Variants in ANKRD26 observed in about 807,000 individuals in gnomAD.
ANKRD26 encodes ankyrin repeat domain 26.
In ANKRD26, 141 loss-of-function variants were observed where a neutral mutation model predicts 208.7. The observed-to-expected ratio is 0.68, with a 90% CI of 0.59 to 0.78. The LOEUF is 0.78. Among genes scored for constraint, ANKRD26 ranks in the 30% least tolerant of loss-of-function variants. The probability of loss-of-function intolerance (pLI) is 0.00; values close to 1 mark genes in which losing one functional copy is unlikely to be tolerated. For synonymous variants in ANKRD26, 636 were observed against 660.4 expected, an observed-to-expected ratio of 0.96 and a Z score of 0.57; for missense variants, 1,889 against 1,938.7, an observed-to-expected ratio of 0.97 and a Z score of 0.48.
At chr10:27,086,774 T>G (rs952340504) in intron 4 of ANKRD26, among the ~76,000 whole-genome samples, 165 bp from the exon 5 acceptor site, 3 of 140,642 alleles carry the variant, frequency 2.1e-5, no homozygotes, top group African/African-American at 5.3e-5. Context: ...TTTTGTTTTT[T>G]TTTTTTTTTT....
intron 3 of ANKRD26, among the ~76,000 whole-genome samples, chr10:26,985,724 A>G (rs1376984679): frequency 6.6e-6 from 1 of 152,176 alleles, no homozygotes; most frequent in African/African-American, 2.4e-5. Context: ...GGGTCACCCC[A>G]AGAAGGTTAA....
At chr10:26,948,926 C>T in the ANKRD26 span, among the ~76,000 whole-genome samples, 3 of 152,120 alleles carry the variant, frequency 2.0e-5, no homozygotes, top group South Asian at 2.1e-4. Context: ...ACCCGGGAGG[C>T]GGAGGTTGCA....
At position 27,035,754 on chromosome 10, in the gene ANKRD26, T is replaced by G; in HGVS notation, c.2698-2A>C. On this transcript the variant is annotated splice_acceptor_variant, in intron 23 of 33. Coordinates refer to ENST00000376087, the MANE Select transcript of ANKRD26 (RefSeq NM_014915.3). LOFTEE classifies it high-confidence loss of function. The stretch of plus-strand genomic sequence containing the variant: ...TTCTTCTTCATGACTATGAGAATTC[T>G]AAGTAAAACAAAGGAAACTTTGAGC... 1 of 1,597,154 alleles carries G rather than the reference T, an allele frequency of 6.3e-7. No individual in the cohort carries two copies. Among genetic ancestry groups the G allele is most frequent in the Non-Finnish European group, 8.6e-7 (1 of 1,168,004 alleles).
chr10:27,058,751 T>A (rs1348219965), intron 15 of ANKRD26, among the ~76,000 whole-genome samples: 5 of 151,178 alleles, frequency 3.3e-5, no homozygotes, highest in African/African-American at 4.9e-5. Flanking sequence ...AATTTTTGTA[T>A]TTTTTTAGTA....
chr10:26,999,996 G>A (rs10741125), downstream of ANKRD26, among the ~76,000 whole-genome samples: 122,810 of 152,064 alleles, frequency 0.81, 49,965 homozygotes, highest in East Asian at 0.99. Context: ...CAAACTCCCA[G>A]CTCAGCTCCT....
At chr10:27,050,219 CAAAAAAAAAAAAA>C (rs67384671) in intron 16 of ANKRD26, among the ~76,000 whole-genome samples, 3 of 33,042 alleles carry the variant, frequency 9.1e-5, no homozygotes, top group Non-Finnish European at 1.2e-4. Flanking sequence ...GAATCTGTCT[CAAAAAAAAAAAAA>C]AAAAAAAAAA....
the ANKRD26 span, among the ~76,000 whole-genome samples, chr10:26,967,961 C>T: frequency 6.6e-6 from 1 of 152,216 alleles, no homozygotes; most frequent in African/African-American, 2.4e-5. Flanking sequence ...TGCCCCCTCC[C>T]TGCAACCCCT....
At position 27,033,389 on chromosome 10, in the gene ANKRD26, T is replaced by C; in HGVS notation, c.3655-12A>G. On this transcript the variant is annotated splice_polypyrimidine_tract_variant and intron_variant, in intron 24 of 33. Coordinates refer to ENST00000376087, the MANE Select transcript of ANKRD26 (RefSeq NM_014915.3). ...TGTCTCACAACAACCTGATAAGACA[T>C]TTTGTTACTGATTTTATAAATCACC... 6.2e-7 allele frequency: 1 copy of C among 1,606,546 alleles called. No individual in the cohort carries two copies. Among genetic ancestry groups the C allele is most frequent in the South Asian group, 1.1e-5 (1 of 89,200 alleles).
chr10:26,995,098 C>T (rs932772300), exon 5 of ANKRD26: 2 of 471,138 alleles, frequency 4.2e-6, no homozygotes, highest in Admixed American at 2.3e-5. Flanking sequence ...GGAAGTGAGA[C>T]ATTGGTCAGT....
intron 28 of ANKRD26, among the ~76,000 whole-genome samples, chr10:27,023,718 T>A (rs1271456559): frequency 6.7e-6 from 1 of 149,734 alleles, no homozygotes; most frequent in East Asian, 2.1e-4. Context: ...GTAATTAGAA[T>A]CAGAACAAAC....
At chr10:27,091,467 T>C (rs2056297726) in intron 4 of ANKRD26, among the ~76,000 whole-genome samples, 1 of 151,880 alleles carries the variant, frequency 6.6e-6, no homozygotes, top group African/African-American at 2.4e-5. Context: ...CAAAATATAC[T>C]AGAAATAGAA....
chr10:27,017,926 A>C, intron 29 of ANKRD26, 134 bp from the exon 30 acceptor site: 1 of 843,752 alleles, frequency 1.2e-6, no homozygotes, highest in Non-Finnish European at 1.8e-6. Flanking sequence ...GATTCTTCAA[A>C]TGTGGACCCT....
chr10:26,975,600 G>A (rs563443374), exon 6 of ANKRD26, among the ~76,000 whole-genome samples: 4 of 151,808 alleles, frequency 2.6e-5, no homozygotes, highest in Non-Finnish European at 5.9e-5. Context: ...CCAACACTTC[G>A]GGAGGCCAAG....
At chr10:27,045,242 G>A (rs868595853) in intron 18 of ANKRD26, among the ~76,000 whole-genome samples, 5 of 152,078 alleles carry the variant, frequency 3.3e-5, no homozygotes, top group Middle Eastern at 3.2e-3. Context: ...TGGCCAACAT[G>A]GCGCAACCCT....
rs751123077 is a variant in ANKRD26 at position 27,043,576 on chromosome 10, T to C, written c.2020-9A>G. 1.9e-6 allele frequency: 3 copies of C among 1,609,886 alleles called. No homozygotes were observed. Among genetic ancestry groups the C allele is most frequent in the Non-Finnish European group, 2.5e-6 (3 of 1,176,560 alleles). Reference sequence around the variant, plus strand: ...TGTATTTGGTTTTTGACCTATGAAATAAATAACACTGTTTCAAAATGTCCC... The same window carrying C: ...TGTATTTGGTTTTTGACCTATGAAACAAATAACACTGTTTCAAAATGTCCC... On this transcript the variant is annotated splice_polypyrimidine_tract_variant and intron_variant, in intron 19 of 33. Coordinates refer to ENST00000376087, the MANE Select transcript of ANKRD26 (RefSeq NM_014915.3).
In ANKRD26 at chr10:27,004,391, G is replaced by C. The variant is rs2052799167; in HGVS notation, c.*1199C>G. 1 of 151,976 alleles carries C rather than the reference G, an allele frequency of 6.6e-6. No homozygotes were observed. The highest frequency in any genetic ancestry group is 2.4e-5 in the African/African-American group (1 of 41,356). 9.4% of individuals were successfully genotyped at this position (151,976 alleles called of 1,614,324 possible). Reference sequence around the variant, plus strand: ...TAAACCATGAATCCATGGTTTATTTGATACAAGCAAATGAATAAATTGAGG... The same window carrying C: ...TAAACCATGAATCCATGGTTTATTTCATACAAGCAAATGAATAAATTGAGG... On this transcript the variant is annotated 3_prime_UTR_variant, in exon 34 of 34. Coordinates refer to ENST00000376087, the MANE Select transcript of ANKRD26 (RefSeq NM_014915.3).
exon 6 of ANKRD26, among the ~76,000 whole-genome samples, chr10:26,975,285 G>C (rs572942895): frequency 6.6e-6 from 1 of 152,022 alleles, no homozygotes; most frequent in African/African-American, 2.4e-5. Context: ...CTGAAGTATG[G>C]TGGTGTGATC....
Position 27,066,561 on chromosome 10 carries a change from A to G in ANKRD26, c.1208-13T>C. On this transcript the variant is annotated splice_polypyrimidine_tract_variant and intron_variant, in intron 10 of 33. Coordinates refer to ENST00000376087, the MANE Select transcript of ANKRD26 (RefSeq NM_014915.3). Reference sequence around the variant, plus strand: ...GCGGACATCATATCTATCAAATGTGATACACAGATATATTCATGAGAACAT... The same window carrying G: ...GCGGACATCATATCTATCAAATGTGGTACACAGATATATTCATGAGAACAT... 1 of 1,547,650 alleles carries G rather than the reference A, an allele frequency of 6.5e-7. No homozygotes were observed. Among genetic ancestry groups the G allele is most frequent in the African/African-American group, 1.4e-5 (1 of 73,726 alleles).
At chr10:27,067,433 T>TTA in intron 9 of ANKRD26, 147 bp from the exon 10 acceptor site, 2 of 888,236 alleles carry the variant, frequency 2.3e-6, no homozygotes, top group Non-Finnish European at 1.7e-6. Flanking sequence ...TTTTTTTTTT[T>TTA]AAAGAAACAC....
Sources: allele counts gnomAD v4.1 joint callset (sites outside exome capture counted in the v4.1 genomes callset), GRCh38; gene constraint gnomAD v4.1.1; transcripts MANE v1.5; gene names NCBI Gene and HGNC (gene_info 2026-07-23, HGNC 2026-07-21).